The following ATRN variants were observed in gnomAD, a reference collection of about 807,000 sequenced individuals.
ATRN encodes attractin-2.
ATRN carries 54 observed loss-of-function variants against 178.7 expected under a neutral mutation model. That is an observed-to-expected ratio of 0.30 (90% confidence interval 0.24 to 0.38). The LOEUF (loss-of-function observed/expected upper bound fraction) is 0.38, where lower values mean the gene tolerates loss of function less well. ATRN is among the 10% of genes least tolerant of loss of function. The probability of loss-of-function intolerance (pLI) is 1.00; values close to 1 mark genes in which losing one functional copy is unlikely to be tolerated. For missense variants in ATRN, 1,443 were observed against 1,815.1 expected (o/e 0.79, Z 3.73); for synonymous variants, 636 against 663.0 (o/e 0.96, Z 0.63).
Position 3,471,117 on chromosome 20 carries a change from G to A in ATRN, c.10G>A (p.Ala4Thr). 1.3e-6 allele frequency: 2 copies of A among 1,511,232 alleles called. No homozygotes were observed. Among genetic ancestry groups the A allele is most frequent in the Non-Finnish European group, 1.8e-6 (2 of 1,136,520 alleles). 93.6% of individuals were successfully genotyped at this position (1,511,232 alleles called of 1,614,324 possible). Residue 4 changes from alanine to threonine, a missense_variant, in exon 1 of 29, where the codon GCA (alanine) becomes ACA (threonine). Coordinates refer to ENST00000262919, the MANE Select transcript of ATRN (RefSeq NM_139321.3). Reference protein sequence around the residue: MVAAAAATEARLRR... With the variant: MVATAAATEARLRR... ...TCTCAGCCCCGGGAAGATGGTGGCT[G>A]CAGCGGCGGCAACTGAGGCAAGGCT...
At chr20:3,555,147 G>A (rs1446396711) in intron 6 of ATRN, among the ~76,000 whole-genome samples, 7 of 151,852 alleles carry the variant, frequency 4.6e-5, no homozygotes, top group East Asian at 1.9e-4. Flanking sequence ...GACTACAGGC[G>A]CCCGCCACCT....
In ATRN at chr20:3,600,940, C is replaced by T. The variant is rs368298163; in HGVS notation, c.3565-6C>T. 12 of 1,610,780 alleles carry T rather than the reference C, an allele frequency of 7.4e-6. No individual in the cohort carries two copies. Among genetic ancestry groups the T allele is most frequent in the Admixed American group, 1.7e-5 (1 of 59,856 alleles). On this transcript the variant is annotated splice_polypyrimidine_tract_variant and splice_region_variant and intron_variant, in intron 22 of 28. Coordinates refer to ENST00000262919, the MANE Select transcript of ATRN (RefSeq NM_139321.3). Reference sequence around the variant, plus strand: ...TAATTTTCTAATAATTTGTACCGCTCATCAGCAAAACAGGGATTTGGACAT... The same window carrying T: ...TAATTTTCTAATAATTTGTACCGCTTATCAGCAAAACAGGGATTTGGACAT...
chr20:3,588,837 T>A (rs2853227), intron 18 of ATRN, among the ~76,000 whole-genome samples: 33,054 of 152,096 alleles, frequency 0.22, 3,731 homozygotes, highest in Middle Eastern at 0.38. Context: ...GGAAAATTTT[T>A]AATTATTAAT....
At chr20:3,495,007 T>C (rs1289189401) in intron 1 of ATRN, among the ~76,000 whole-genome samples, 1 of 152,206 alleles carries the variant, frequency 6.6e-6, no homozygotes, top group Admixed American at 6.5e-5. Context: ...GTCCTAAATA[T>C]TAAAACATAT....
intron 15 of ATRN, among the ~76,000 whole-genome samples, 183 bp from the exon 16 acceptor site, chr20:3,581,952 T>C (rs892250971): frequency 6.6e-6 from 1 of 152,158 alleles, no homozygotes; most frequent in Non-Finnish European, 1.5e-5. Context: ...ATGTTGGTTA[T>C]ATTCAGGCCA....
In ATRN at chr20:3,608,834, G is replaced by A. The variant is rs995680991; in HGVS notation, c.3801+4572G>A. 2.4e-4 allele frequency among the ~76,000 whole-genome samples: 37 copies of A among 152,260 alleles called. 1 individual carries two copies. Among genetic ancestry groups the A allele is most frequent in the African/African-American group, 8.7e-4 (36 of 41,548 alleles). On this transcript the variant is annotated intron_variant, in intron 24 of 28. Coordinates refer to ENST00000262919, the MANE Select transcript of ATRN (RefSeq NM_139321.3). ...ATACAAAAATTAGCCATGTGCAGTG[G>A]TGGGTGCCTGTAATCCCAGCTACTT...
At chr20:3,492,917 CAT>C (rs1193111313) in intron 1 of ATRN, among the ~76,000 whole-genome samples, 1 of 142,746 alleles carries the variant, frequency 7.0e-6, no homozygotes, top group Admixed American at 7.1e-5. Flanking sequence ...TATATAAATA[CAT>C]ATATATGTGG....
At chr20:3,558,984 T>C (rs1482624760) in intron 6 of ATRN, among the ~76,000 whole-genome samples, 1 of 152,224 alleles carries the variant, frequency 6.6e-6, no homozygotes, top group African/African-American at 2.4e-5. Flanking sequence ...AAGGAAAGAT[T>C]AGTAATTTTC....
chr20:3,514,610 T>TA (rs1250945341), intron 1 of ATRN, among the ~76,000 whole-genome samples: 1 of 152,170 alleles, frequency 6.6e-6, no homozygotes, highest in African/African-American at 2.4e-5. Context: ...TAGATAATTT[T>TA]AAAAAATAGA....
intron 1 of ATRN, among the ~76,000 whole-genome samples, chr20:3,494,006 G>A (rs2084843648): frequency 1.3e-5 from 2 of 152,208 alleles, no homozygotes; most frequent in Non-Finnish European, 2.9e-5. Context: ...TGGTAGTGTA[G>A]TGGGCAGAGA....
chr20:3,646,843 T>C lies in ATRN; in HGVS notation c.4286T>C (p.Ile1429Thr). 1 of 1,613,266 alleles carries C rather than the reference T, an allele frequency of 6.2e-7. No individual in the cohort carries two copies. The highest frequency in any genetic ancestry group is 1.1e-5 in the South Asian group (1 of 90,756). The change falls in exon 29 of 29, where the codon ATC becomes ACC. Residue 1429 changes from isoleucine to threonine, a missense_variant. Around this residue, in one of 4 missense-constraint regions of ATRN, gnomAD observed 289 missense variants for 440.8 expected, o/e 0.66. Transcript: ENST00000262919. ...QQPPAQPGTC[I>T] ...CCCCCTGCACAGCCTGGGACCTGCA[T>C]CTGATGCTGGGGCCAGGGACTCTCC...
chr20:3,524,573 C>T (rs1326271306), intron 1 of ATRN, among the ~76,000 whole-genome samples: 1 of 152,194 alleles, frequency 6.6e-6, no homozygotes, highest in South Asian at 2.1e-4. Context: ...ACCTAATAGA[C>T]ATCTACCGAA....
intron 1 of ATRN, among the ~76,000 whole-genome samples, chr20:3,506,092 A>G (rs2085040052): frequency 6.6e-6 from 1 of 152,198 alleles, no homozygotes; most frequent in Admixed American, 6.5e-5. Flanking sequence ...ACACACACAC[A>G]CAAATGAGTG....
At chr20:3,498,722 T>C (rs1354802743) in intron 1 of ATRN, among the ~76,000 whole-genome samples, 2 of 151,912 alleles carry the variant, frequency 1.3e-5, no homozygotes, top group Non-Finnish European at 2.9e-5. Context: ...CCACAGCTAA[T>C]ATCATACTGA....
At chr20:3,514,577 G>T (rs1457639492) in intron 1 of ATRN, among the ~76,000 whole-genome samples, 1 of 152,126 alleles carries the variant, frequency 6.6e-6, no homozygotes, top group African/African-American at 2.4e-5. Context: ...AACATTTACA[G>T]TATAAATGAT....
chr20:3,625,339 T>G (rs1342158988), intron 25 of ATRN, among the ~76,000 whole-genome samples: 5 of 152,196 alleles, frequency 3.3e-5, no homozygotes, highest in African/African-American at 1.2e-4. Context: ...TACCATTGTA[T>G]CATAATGCAT....
At position 3,471,546 on chromosome 20, in the gene ATRN, G is replaced by A. The variant is rs986949755; in HGVS notation, c.410+29G>A. The A allele has an allele frequency of 4.4e-6, 6 of 1,377,178 alleles. No individual in the cohort carries two copies. The South Asian group carries it at 5.1e-5, about 12-fold the overall frequency. The allele number at this position is 1,377,178 out of a possible 1,614,324, so 85.3% of individuals were successfully genotyped here. On this transcript the variant is annotated intron_variant, in intron 1 of 28. Transcript: ENST00000262919. ...AGTGGCGGGTGGTGTCGGAGGGTCG[G>A]GTCCAACCAGAGGCTGGGGCTGAGG...
intron 6 of ATRN, among the ~76,000 whole-genome samples, chr20:3,554,834 T>C (rs1443785211): frequency 6.6e-6 from 1 of 152,052 alleles, no homozygotes; most frequent in Non-Finnish European, 1.5e-5. Flanking sequence ...TGAAACTTCA[T>C]TACCAAATTT....
chr20:3,598,780 T>G (rs2086566469), intron 22 of ATRN, among the ~76,000 whole-genome samples: 1 of 152,210 alleles, frequency 6.6e-6, no homozygotes, highest in Non-Finnish European at 1.5e-5. Flanking sequence ...TTGCTAAACA[T>G]AATGGTAAAT....
Sources: gnomAD v4.1 joint callset for allele counts (sites outside exome capture counted in the v4.1 genomes callset) on GRCh38, gnomAD v4.1.1 for gene constraint, gnomAD v4.1.1 regional missense constraint, MANE v1.5 for transcripts, NCBI Gene and HGNC (gene_info 2026-07-23, HGNC 2026-07-21) for gene names.